The following PMP2 variants were observed in gnomAD, a reference collection of about 807,000 sequenced individuals.
PMP2 encodes the protein peripheral myelin protein 2, also known as myelin P2 protein.
PMP2 carries 11 observed loss-of-function variants against 15.9 expected under a neutral mutation model. The ratio of observed to expected loss-of-function variants is 0.69; its 90% CI spans 0.44 to 1.14. PMP2 has a LOEUF of 1.14. PMP2 is among the 50% of genes most tolerant of loss of function. The pLI, the probability that PMP2 is intolerant of heterozygous loss-of-function variation, is 0.00. For missense variants in PMP2, 151 were observed against 154.0 expected (o/e 0.98, Z 0.10); for synonymous variants, 55 against 54.1 (o/e 1.02, Z -0.07).
chr8:81,447,267 T>A, intron 1 of PMP2, 47 bp downstream of exon 1: 1 of 1,433,582 alleles, frequency 7.0e-7, no homozygotes, highest in Non-Finnish European at 9.8e-7. Context: ...TCATGTAGCT[T>A]TCTTAAAAAG....
chr8:81,447,319 G>A lies in PMP2; in HGVS notation c.68C>T (p.Ala23Val). ...SSENFDDYMK[A>V]LGVGLATRKL... is the part of the protein sequence containing the mutation. Reference sequence around the variant, plus strand: ...CAACAAAAAGCATTTCTTACCCAGAGCTTTCATGTAATCGTCAAAGTTCTC... The same window carrying A: ...CAACAAAAAGCATTTCTTACCCAGAACTTTCATGTAATCGTCAAAGTTCTC... The change falls in exon 1 of 4, where the codon GCT (alanine) becomes GTT (valine). Residue 23 changes from alanine (A) to valine (V), a missense_variant. Transcript: ENST00000256103. The A allele has an allele frequency of 6.2e-7, 1 of 1,612,306 alleles. No homozygotes were observed. Among genetic ancestry groups the A allele is most frequent in the East Asian group, 2.2e-5 (1 of 44,882 alleles).
In PMP2 at chr8:81,442,511, T is replaced by A. The variant is rs892352782; in HGVS notation, c.*887A>T. 59 of 152,534 alleles carry A rather than the reference T, an allele frequency of 3.9e-4. No homozygotes were observed. Among genetic ancestry groups the A allele is most frequent in the African/African-American group, 1.1e-3 (44 of 41,444 alleles). 9.4% of individuals were successfully genotyped at this position (152,534 alleles called of 1,614,324 possible). On this transcript the variant is annotated 3_prime_UTR_variant, in exon 4 of 4. Transcript: ENST00000256103. ...GAATGGATAAACTGTGATATATTCA[T>A]ACAATGAAATAGTACTTGGTAATAA...
chr8:81,445,490 T>G (rs187539301), intron 1 of PMP2, among the ~76,000 whole-genome samples: 1 of 152,326 alleles, frequency 6.6e-6, no homozygotes, highest in East Asian at 1.9e-4. Context: ...TCCAAAGTGC[T>G]GGGATTACAG....
In PMP2 at chr8:81,447,427, A is replaced by C; in HGVS notation, c.-41T>G. The C allele has an allele frequency of 6.7e-7, 1 of 1,500,966 alleles. No individual in the cohort carries two copies. The highest frequency in any genetic ancestry group is 9.3e-7 in the Non-Finnish European group (1 of 1,077,036). The allele number at this position is 1,500,966 out of a possible 1,614,324, so 93.0% of individuals were successfully genotyped here. ...CTCAACACAGTTCTAAGTGGGATTC[A>C]GAAGACTCAGATAAAATGCTGAGGC... On this transcript the variant is annotated 5_prime_UTR_variant, in exon 1 of 4. Coordinates refer to ENST00000256103, the MANE Select transcript of PMP2 (RefSeq NM_002677.5).
rs1045038956 is a variant in PMP2, at chr8:81,441,417, T to C, written c.*1981A>G. ...TAATTCTTGCCTGAGCCATATTTAC[T>C]GTGATGGTTGAAAAATGATGGTTTT... On this transcript the variant is annotated 3_prime_UTR_variant, in exon 4 of 4. Coordinates refer to ENST00000256103, the MANE Select transcript of PMP2 (RefSeq NM_002677.5). 3 of 152,142 alleles carry C rather than the reference T, an allele frequency of 2.0e-5. No individual in the cohort carries two copies. Among genetic ancestry groups the C allele is most frequent in the Non-Finnish European group, 4.4e-5 (3 of 67,988 alleles). 9.4% of individuals were successfully genotyped at this position (152,142 alleles called of 1,614,324 possible). A position where few individuals can be genotyped will look rare whatever the true frequency, so the allele number is the denominator to read the frequency against.
Position 81,440,492 on chromosome 8 carries a change from C to A in PMP2, c.*2906G>T, listed in dbSNP as rs904750589. On this transcript the variant is annotated 3_prime_UTR_variant, in exon 4 of 4. Coordinates refer to ENST00000256103, the MANE Select transcript of PMP2 (RefSeq NM_002677.5). ...ACAAACAACAACAATAAATAAAAAA[C>A]CACTTAACACAGACATTTCTAGGCT... 7.9e-5 allele frequency: 12 copies of A among 151,996 alleles called. No homozygotes were observed. The highest frequency in any genetic ancestry group is 1.3e-4 in the Non-Finnish European group (9 of 67,982). 9.4% of individuals were successfully genotyped at this position (151,996 alleles called of 1,614,324 possible).
At chr8:81,445,183 G>A (rs1563518513) in intron 1 of PMP2, among the ~76,000 whole-genome samples, 194 bp from the exon 2 acceptor site, 1 of 151,234 alleles carries the variant, frequency 6.6e-6, no homozygotes, top group Non-Finnish European at 1.5e-5. Flanking sequence ...TTTAGGTTTT[G>A]TTGTTGCAAA....
chr8:81,446,372 C>T lies in PMP2; in HGVS notation c.73+942G>A, dbSNP rs549160888. On this transcript the variant is annotated intron_variant, in intron 1 of 3. Transcript: ENST00000256103. Reference sequence around the variant, plus strand: ...TGTAAAGTGAAGTCTTTAAATCTAACCGATCTCACAGTATGAATTGATCCC... The same window carrying T: ...TGTAAAGTGAAGTCTTTAAATCTAATCGATCTCACAGTATGAATTGATCCC... Among the ~76,000 whole-genome samples the T allele has an allele frequency of 9.9e-5, 15 of 152,250 alleles. No homozygotes were observed. The East Asian group carries it at 2.7e-3, about 27-fold the overall frequency.
chr8:81,444,249 T>A (rs1284828121), intron 3 of PMP2, among the ~76,000 whole-genome samples: 1 of 152,212 alleles, frequency 6.6e-6, no homozygotes, highest in Admixed American at 6.5e-5. Flanking sequence ...ATACTTTCTT[T>A]AACCTTACTA....
At chr8:81,446,608 C>T (rs1236534324) in intron 1 of PMP2, among the ~76,000 whole-genome samples, 4 of 152,104 alleles carry the variant, frequency 2.6e-5, no homozygotes, top group Admixed American at 6.5e-5. Flanking sequence ...GTGTTTATAT[C>T]GATGGGACAT....
At chr8:81,443,896 C>T (rs146336324) in intron 3 of PMP2, among the ~76,000 whole-genome samples, 1 of 152,032 alleles carries the variant, frequency 6.6e-6, no homozygotes, top group East Asian at 1.9e-4. Flanking sequence ...AAGAAAGAAA[C>T]ATTCGGAAGA....
chr8:81,444,450 AATTATTTATATAGCATTATTTCTCT>A, intron 3 of PMP2, 25 bp downstream of exon 3: 2 of 1,121,330 alleles, frequency 1.8e-6, no homozygotes, highest in Non-Finnish European at 2.6e-6. Flanking sequence ...AATATAATCA[AATTATTTATATAGCATTATTTCTCT>A]ATTTAGAAGT....
rs1807388040 is a variant in PMP2, at chr8:81,443,363, A to G, written c.*35T>C. The G allele has an allele frequency of 3.5e-6, 5 of 1,430,972 alleles. No individual in the cohort carries two copies. In the South Asian group the frequency reaches 3.7e-5, roughly 11 times the overall value. 88.6% of individuals were successfully genotyped at this position (1,430,972 alleles called of 1,614,324 possible). ...GGAAGCAATTGATTTCCATCATTAA[A>G]TGATAAAAAGCCACTTCAATGAAGA... On this transcript the variant is annotated 3_prime_UTR_variant, in exon 4 of 4. Transcript: ENST00000256103.
At position 81,444,963 on chromosome 8, in the gene PMP2, C is replaced by T. The variant is rs754835356; in HGVS notation, c.100G>A (p.Gly34Arg). Residue 34 changes from glycine (G) to arginine (R), a missense_variant, in exon 2 of 4, where the codon GGA (glycine) becomes AGA (arginine). Coordinates refer to ENST00000256103, the MANE Select transcript of PMP2 (RefSeq NM_002677.5). The stretch of plus-strand genomic sequence containing the variant: ...ATCACAGTGGGTTTGGCCAAATTTC[C>T]CAGTTTTCTGGTGGCTAACCCCACA... ...LGVGLATRKL[G>R]NLAKPTVIIS... The T allele has an allele frequency of 6.8e-6, 11 of 1,613,594 alleles. No individual in the cohort carries two copies. In the South Asian group the frequency reaches 1.2e-4, roughly 18 times the overall value.
chr8:81,444,764 T>C, intron 2 of PMP2, 53 bp downstream of exon 2: 1 of 1,524,296 alleles, frequency 6.6e-7, no homozygotes, highest in Non-Finnish European at 9.0e-7. Flanking sequence ...GGAATATTCC[T>C]CTCTCTCAAG....
chr8:81,446,183 C>G (rs1354537059), intron 1 of PMP2, among the ~76,000 whole-genome samples: 2 of 152,132 alleles, frequency 1.3e-5, no homozygotes, highest in African/African-American at 4.8e-5. Flanking sequence ...TTATTTTATA[C>G]AGTTTAGGAC....
In PMP2 at chr8:81,444,911, G is replaced by A; in HGVS notation, c.152C>T (p.Thr51Ile). The stretch of plus-strand genomic sequence containing the variant: ...TTTAAAGGTACTTTCAGTTCGTATA[G>A]TTATAATATCTCCTTTCTTGCTGAT... ...VIISKKGDII[T>I]IRTESTFKNT... is the part of the protein sequence containing the mutation. The change falls in exon 2 of 4, where the codon ACT becomes ATT. Residue 51 changes from threonine to isoleucine, a missense_variant. Coordinates refer to ENST00000256103, the MANE Select transcript of PMP2 (RefSeq NM_002677.5). 6.2e-7 allele frequency: 1 copy of A among 1,613,684 alleles called. No homozygotes were observed. The highest frequency in any genetic ancestry group is 2.2e-5 in the East Asian group (1 of 44,880).
Position 81,444,495 on chromosome 8 carries a change from C to G in PMP2, c.348+5G>C, listed in dbSNP as rs755482654. On this transcript the variant is annotated splice_donor_5th_base_variant and intron_variant, in intron 3 of 3. Coordinates refer to ENST00000256103, the MANE Select transcript of PMP2 (RefSeq NM_002677.5). ...TTCTCTATTTAGAAGTAAAGATACT[C>G]TTACCGCTACCATTTTCCCATTCAC... 2 of 1,570,652 alleles carry G rather than the reference C, an allele frequency of 1.3e-6. No individual in the cohort carries two copies. Among genetic ancestry groups the G allele is most frequent in the Non-Finnish European group, 1.8e-6 (2 of 1,141,082 alleles).
In PMP2 at chr8:81,441,562, C is replaced by CTATCTATA. The variant is rs1554569883; in HGVS notation, c.*1835_*1836insTATAGATA. 3 of 144,398 alleles carry CTATCTATA rather than the reference C, an allele frequency of 2.1e-5. No individual in the cohort carries two copies. Among genetic ancestry groups the CTATCTATA allele is most frequent in the African/African-American group, 7.9e-5 (3 of 37,896 alleles). 8.9% of individuals were successfully genotyped at this position (144,398 alleles called of 1,614,324 possible). On this transcript the variant is annotated 3_prime_UTR_variant, in exon 4 of 4. Coordinates refer to ENST00000256103, the MANE Select transcript of PMP2 (RefSeq NM_002677.5). ...TCTATCTATCTATCTATCTATCTAT[C>CTATCTATA]TATATATCTATCTATCATCTGTCAG... is the stretch of plus-strand genomic sequence containing the variant.
Sources: gnomAD v4.1 joint callset for allele counts (sites outside exome capture counted in the v4.1 genomes callset) on GRCh38, gnomAD v4.1.1 for gene constraint, MANE v1.5 for transcripts, NCBI Gene and HGNC (gene_info 2026-07-23, HGNC 2026-07-21) for gene names.